EPHB1: variants seen among roughly 807,000 people sequenced by gnomAD.
EPHB1 encodes EPH receptor B1.
In EPHB1, 30 loss-of-function variants were observed where a neutral mutation model predicts 94.4. The observed-to-expected ratio is 0.32, with a 90% confidence interval of 0.24 to 0.43. The LOEUF (loss-of-function observed/expected upper bound fraction) is 0.43, where lower values mean the gene tolerates loss of function less well. EPHB1 is among the 20% of genes least tolerant of loss of function. The probability of loss-of-function intolerance (pLI) is 1.00; values close to 1 mark genes in which losing one functional copy is unlikely to be tolerated. For synonymous variants in EPHB1, 522 were observed against 489.1 expected (o/e 1.07, Z -0.89); for missense variants, 1,055 against 1,308.3 (o/e 0.81, Z 2.99).
At chr3:135,131,566 A>G (rs925903619) in intron 4 of EPHB1, among the ~76,000 whole-genome samples, 6 of 152,180 alleles carry the variant, frequency 3.9e-5, no homozygotes, top group African/African-American at 1.4e-4. Context: ...AGGAGATGCA[A>G]GGCTCAGGCT....
rs574014732 is a variant in EPHB1, at chr3:135,192,110, C to T, written c.1883-466C>T. Among the ~76,000 whole-genome samples the T allele has an allele frequency of 4.6e-5, 7 of 152,350 alleles. No homozygotes were observed. In the South Asian group the frequency reaches 1.5e-3, roughly 32 times the overall value. ...GGGGCACCCAATAAACACAAATGCT[C>T]TCCCAGCAGTGTAGGAACATAAACA... On this transcript the variant is annotated intron_variant, in intron 10 of 15. Transcript: ENST00000398015.
chr3:134,824,158 C>T (rs62272411), intron 1 of EPHB1, among the ~76,000 whole-genome samples: 6,539 of 123,784 alleles, frequency 0.053, 232 homozygotes, highest in South Asian at 0.21. Context: ...TTTGGTAATC[C>T]TAGCTCTTGC....
At chr3:135,235,609 A>C (rs1313674658) in intron 12 of EPHB1, among the ~76,000 whole-genome samples, 1 of 152,242 alleles carries the variant, frequency 6.6e-6, no homozygotes, top group Admixed American at 6.5e-5. Flanking sequence ...AAAAACAAGC[A>C]AACAAATAAA....
chr3:135,238,616 AG>A (rs1156456712), intron 12 of EPHB1, among the ~76,000 whole-genome samples: 6 of 152,168 alleles, frequency 3.9e-5, no homozygotes, highest in Non-Finnish European at 7.3e-5. Flanking sequence ...CACACACAAA[AG>A]ATAAGCAAGC....
chr3:135,139,814 A>T (rs1940757333), intron 5 of EPHB1, among the ~76,000 whole-genome samples: 1 of 152,236 alleles, frequency 6.6e-6, no homozygotes, highest in Non-Finnish European at 1.5e-5. Flanking sequence ...GTTGCTATAC[A>T]GTGACAATGT....
chr3:135,047,719 CT>C (rs1207036712), intron 3 of EPHB1, among the ~76,000 whole-genome samples: 14 of 152,184 alleles, frequency 9.2e-5, no homozygotes, highest in African/African-American at 3.4e-4. Flanking sequence ...TACTTACACC[CT>C]TGTGACAGTT....
chr3:135,097,319 T>C lies in EPHB1; in HGVS notation c.806-9129T>C, dbSNP rs185959484. ...CCTAATCACTGACCTTGGACCAGGA[T>C]TTTAGGATCCAGGCCTGGACTCTCT... On this transcript the variant is annotated intron_variant, in intron 3 of 15. Transcript: ENST00000398015. 2.6e-5 allele frequency among the ~76,000 whole-genome samples: 4 copies of C among 152,010 alleles called. No homozygotes were observed. The East Asian group carries it at 7.8e-4, about 30-fold the overall frequency.
chr3:135,170,833 T>G (rs1941784933), intron 9 of EPHB1, among the ~76,000 whole-genome samples: 1 of 151,632 alleles, frequency 6.6e-6, no homozygotes, highest in Non-Finnish European at 1.5e-5. Context: ...GTAGGGAGAG[T>G]GGAAGATAAG....
rs996050790 is a variant in EPHB1, at chr3:135,190,214, G to C, written c.1883-2362G>C. Among the ~76,000 whole-genome samples the C allele has an allele frequency of 4.6e-5, 7 of 152,330 alleles. No homozygotes were observed. In the South Asian group the frequency reaches 6.2e-4, roughly 14 times the overall value. ...ACCTACCTCACAGGAGTGTTGTGAA[G>C]ATTGAATAAGTCACACAAAGTGCCT... On this transcript the variant is annotated intron_variant, in intron 10 of 15. Coordinates refer to ENST00000398015, the MANE Select transcript of EPHB1 (RefSeq NM_004441.5).
chr3:135,238,721 TTC>T (rs1943710190), intron 12 of EPHB1, among the ~76,000 whole-genome samples: 2 of 152,086 alleles, frequency 1.3e-5, no homozygotes, highest in African/African-American at 4.8e-5. Flanking sequence ...CACAATCTGG[TTC>T]TCTGTCTCTG....
chr3:134,825,835 C>T (rs2036467195), intron 1 of EPHB1, among the ~76,000 whole-genome samples: 1 of 152,110 alleles, frequency 6.6e-6, no homozygotes, highest in Non-Finnish European at 1.5e-5. Flanking sequence ...TAAATTTCCC[C>T]CTCCCAGTTT....
At position 135,162,080 on chromosome 3, in the gene EPHB1, G is replaced by A. The variant is rs758509648; in HGVS notation, c.1485G>A (p.Gly495=). Reference sequence around the variant, plus strand: ...AGACCAACACAGCAAGGATTGATGGGCTGCGGCCTGGCATGGTATATGTGG... The same window carrying A: ...AGACCAACACAGCAAGGATTGATGGACTGCGGCCTGGCATGGTATATGTGG... ...RSQTNTARID[G]LRPGMVYVVQ... Residue 495 remains glycine (G), a synonymous_variant, in exon 7 of 16, where the codon GGG becomes GGA. Coordinates refer to ENST00000398015, the MANE Select transcript of EPHB1 (RefSeq NM_004441.5). 6.2e-7 allele frequency: 1 copy of A among 1,613,714 alleles called. No individual in the cohort carries two copies. Among genetic ancestry groups the A allele is most frequent in the East Asian group, 2.2e-5 (1 of 44,860 alleles).
At chr3:135,135,878 A>G (rs1005949257) in intron 5 of EPHB1, among the ~76,000 whole-genome samples, 3 of 152,220 alleles carry the variant, frequency 2.0e-5, no homozygotes, top group African/African-American at 4.8e-5. Context: ...TGATTGAGAA[A>G]TAGATGAGTA....
Position 135,115,911 on chromosome 3 carries a change from T to C in EPHB1, c.961+9308T>C, listed in dbSNP as rs201275476. Among the ~76,000 whole-genome samples, 32 of 152,272 alleles carry C rather than the reference T, an allele frequency of 2.1e-4. No individual in the cohort carries two copies. In the East Asian group the frequency reaches 6.0e-3, roughly 28 times the overall value. ...AAGTGGGTTTTGAGTCTCTAAGATATGCAATTAAAAATAAGAAAACATGGC... is the reference window on the plus strand; with the variant it reads ...AAGTGGGTTTTGAGTCTCTAAGATACGCAATTAAAAATAAGAAAACATGGC... On this transcript the variant is annotated intron_variant, in intron 4 of 15. Coordinates refer to ENST00000398015, the MANE Select transcript of EPHB1 (RefSeq NM_004441.5).
At chr3:134,902,360 A>G (rs1484359779) in intron 1 of EPHB1, among the ~76,000 whole-genome samples, 1 of 152,182 alleles carries the variant, frequency 6.6e-6, no homozygotes, top group Non-Finnish European at 1.5e-5. Context: ...GGCAGGAGGA[A>G]GGTGCCACCC....
At chr3:134,921,209 C>G (rs944013959) in intron 1 of EPHB1, among the ~76,000 whole-genome samples, 1 of 152,106 alleles carries the variant, frequency 6.6e-6, no homozygotes, top group African/African-American at 2.4e-5. Context: ...TACTTCATTC[C>G]CATCAGCTGG....
At chr3:135,236,435 G>T (rs1364408360) in intron 12 of EPHB1, among the ~76,000 whole-genome samples, 2 of 151,978 alleles carry the variant, frequency 1.3e-5, no homozygotes, top group Admixed American at 6.6e-5. Flanking sequence ...CACATTCACA[G>T]GTCTCACAGT....
intron 2 of EPHB1, among the ~76,000 whole-genome samples, chr3:134,938,055 C>G (rs36160): frequency 1.6e-4 from 25 of 151,684 alleles, no homozygotes; most frequent in Non-Finnish European, 2.4e-4. Context: ...CCCATTATAC[C>G]CTCTTTAAAT....
chr3:134,910,753 C>T (rs565311553), intron 1 of EPHB1, among the ~76,000 whole-genome samples: 53 of 152,278 alleles, frequency 3.5e-4, no homozygotes, highest in African/African-American at 1.3e-3. Context: ...AACTGCATAG[C>T]TAGAGGAGGT....
Sources: gnomAD v4.1 joint callset for allele counts (sites outside exome capture counted in the v4.1 genomes callset) on GRCh38, gnomAD v4.1.1 for gene constraint, MANE v1.5 for transcripts, NCBI Gene and HGNC (gene_info 2026-07-23, HGNC 2026-07-21) for gene names.